Variants in RBFOX1 observed in about 807,000 individuals in gnomAD.
RBFOX1 encodes RNA binding fox-1 homolog 1.
A neutral mutation model predicts 57.7 loss-of-function variants in RBFOX1; 8 were observed. The ratio of observed to expected loss-of-function variants is 0.14; its 90% CI spans 0.08 to 0.25. RBFOX1 has a LOEUF of 0.25. Ranked by LOEUF, RBFOX1 falls within the 10% of genes least tolerant of loss-of-function variation. The pLI is 1.00. For missense variants in RBFOX1, 611 were observed against 548.5 expected, an observed-to-expected ratio of 1.11 and a Z score of -1.14; for synonymous variants, 326 against 222.4, an observed-to-expected ratio of 1.47 and a Z score of -4.15.
intron 3 of RBFOX1, among the ~76,000 whole-genome samples, chr16:6,861,971 C>T (rs2059106692): frequency 6.6e-6 from 1 of 151,606 alleles, no homozygotes; most frequent in South Asian, 2.1e-4. Context: ...CAATGGGAGG[C>T]TTGAATCAAA....
At chr16:6,888,202 A>C in intron 3 of RBFOX1, among the ~76,000 whole-genome samples, 1 of 152,218 alleles carries the variant, frequency 6.6e-6, no homozygotes, top group Non-Finnish European at 1.5e-5. Context: ...TTACCCAAAA[A>C]ATAACTAACT....
At chr16:7,206,646 A>C (rs908557785) in intron 4 of RBFOX1, among the ~76,000 whole-genome samples, 4 of 152,014 alleles carry the variant, frequency 2.6e-5, no homozygotes, top group African/African-American at 9.7e-5. Flanking sequence ...CTTATCCCTC[A>C]GCTAGATTAG....
intron 2 of RBFOX1, among the ~76,000 whole-genome samples, chr16:5,548,971 G>A (rs1048784870): frequency 6.6e-6 from 1 of 152,204 alleles, no homozygotes; most frequent in African/African-American, 2.4e-5. Flanking sequence ...TCTGTTATTA[G>A]TAATGAAGAT....
intron 1 of RBFOX1, among the ~76,000 whole-genome samples, chr16:5,419,800 A>AG (rs1156732992): frequency 7.2e-5 from 11 of 151,946 alleles, no homozygotes; most frequent in South Asian, 2.1e-4. Flanking sequence ...GAAGCTTGGG[A>AG]GGGGCTCAAA....
chr16:6,606,581 T>C (rs1215567974), intron 2 of RBFOX1, among the ~76,000 whole-genome samples: 1 of 152,172 alleles, frequency 6.6e-6, no homozygotes, highest in Non-Finnish European at 1.5e-5. Context: ...GTGTTCTCAT[T>C]GTTCAGCTCC....
chr16:7,294,013 C>G (rs531634458), intron 4 of RBFOX1, among the ~76,000 whole-genome samples: 1 of 152,134 alleles, frequency 6.6e-6, no homozygotes, highest in Non-Finnish European at 1.5e-5. Context: ...GATAAAATTT[C>G]TGAGCATTTC....
chr16:6,522,968 G>C (rs1350695751), intron 2 of RBFOX1, among the ~76,000 whole-genome samples: 1 of 152,142 alleles, frequency 6.6e-6, no homozygotes, highest in African/African-American at 2.4e-5. Flanking sequence ...GTTCTTTAAA[G>C]AACCAGCTCC....
At chr16:7,548,851 C>G (rs1350768018) in intron 5 of RBFOX1, among the ~76,000 whole-genome samples, 1 of 152,130 alleles carries the variant, frequency 6.6e-6, no homozygotes, top group Non-Finnish European at 1.5e-5. Context: ...ATGTTCCTGC[C>G]TATTAGTTAG....
At chr16:6,478,440 T>A (rs1351228037) in intron 2 of RBFOX1, among the ~76,000 whole-genome samples, 8 of 117,916 alleles carry the variant, frequency 6.8e-5, no homozygotes, top group African/African-American at 2.8e-4. Context: ...TTTTTTTTTT[T>A]TTTTTTTGTA....
At chr16:5,791,649 G>C (rs766841219) in intron 3 of RBFOX1, among the ~76,000 whole-genome samples, 55 of 152,276 alleles carry the variant, frequency 3.6e-4, no homozygotes, top group Middle Eastern at 6.8e-3. Flanking sequence ...GCAAGTATTA[G>C]AGCTGAATGC....
rs531208400 is a variant in RBFOX1 at position 5,627,420 on chromosome 16, T to G, written c.318+28459T>G. ...CCTTTTAACCATAGTGATCTTGGGG[T>G]GTGTGTGTGTGTGTGTCCCAAAGGG... On this transcript the variant is annotated intron_variant, in intron 3 of 19. Transcript: ENST00000641259. Among the ~76,000 whole-genome samples the G allele has an allele frequency of 2.1e-3, 318 of 150,612 alleles. 1 individual carries two copies. The highest frequency in any genetic ancestry group is 6.6e-3 in the African/African-American group (270 of 41,208).
chr16:6,233,597 C>G (rs955890765), intron 1 of RBFOX1, among the ~76,000 whole-genome samples: 3 of 152,114 alleles, frequency 2.0e-5, no homozygotes, highest in Non-Finnish European at 4.4e-5. Context: ...AGTCTCCACA[C>G]CACACCAGTC....
rs1190156100 is a variant in RBFOX1 at position 5,947,695 on chromosome 16, G to T, written c.351+80360G>T. 6.6e-6 allele frequency among the ~76,000 whole-genome samples: 1 copy of T among 152,142 alleles called. No individual in the cohort carries two copies. The highest frequency in any genetic ancestry group is 1.5e-5 in the Non-Finnish European group (1 of 68,034). ...CTATTGTAAATCTGCCCTTTTGAGA[G>T]AGTGGGGTTAGGGATTTCTGCACCC... On this transcript the variant is annotated intron_variant, in intron 4 of 19. Coordinates refer to the RBFOX1 transcript ENST00000641259. The surrounding 1 kb of genome is among the most constrained non-coding windows in gnomAD (Gnocchi z 7.2).
intron 4 of RBFOX1, among the ~76,000 whole-genome samples, chr16:5,867,536 G>A (rs1458973673): frequency 6.6e-6 from 1 of 152,056 alleles, no homozygotes; most frequent in Admixed American, 6.5e-5. Flanking sequence ...CATGGAGTGT[G>A]CGTGGTAAAG....
At chr16:6,800,969 A>C (rs1318062946) in intron 3 of RBFOX1, among the ~76,000 whole-genome samples, 1 of 152,138 alleles carries the variant, frequency 6.6e-6, no homozygotes, top group African/African-American at 2.4e-5. Context: ...ATCTGACAAC[A>C]GTGTGGGAAA....
intron 1 of RBFOX1, among the ~76,000 whole-genome samples, chr16:5,379,996 G>C (rs2066089848): frequency 6.6e-6 from 1 of 152,218 alleles, no homozygotes; most frequent in South Asian, 2.1e-4. Flanking sequence ...CTGGGAGCCT[G>C]GGCACAGCCT....
chr16:6,630,742 T>A (rs982670060), intron 2 of RBFOX1, among the ~76,000 whole-genome samples: 11 of 152,180 alleles, frequency 7.2e-5, no homozygotes, highest in Non-Finnish European at 1.3e-4. Context: ...CTGGAATTTA[T>A]GATGAAAATA....
At chr16:6,754,311 A>G (rs1184521967) in intron 3 of RBFOX1, among the ~76,000 whole-genome samples, 3 of 152,170 alleles carry the variant, frequency 2.0e-5, no homozygotes, top group East Asian at 3.9e-4. Flanking sequence ...CCTCAATCCA[A>G]ATTGCATAAA....
At chr16:5,784,554 A>C (rs559961229) in intron 3 of RBFOX1, among the ~76,000 whole-genome samples, 106 of 152,292 alleles carry the variant, frequency 7.0e-4, no homozygotes, top group African/African-American at 2.4e-3. Context: ...GGACAGAACC[A>C]AGCTGGGATG....
Sources: gnomAD v4.1 joint callset for allele counts (sites outside exome capture counted in the v4.1 genomes callset) on GRCh38, gnomAD v4.1.1 for gene constraint, Gnocchi (gnomAD v3.1) non-coding constraint, MANE v1.5 for transcripts, NCBI Gene and HGNC (gene_info 2026-07-23, HGNC 2026-07-21) for gene names.